CUBN: variants seen among roughly 807,000 people sequenced by gnomAD.
The protein encoded by CUBN is cubilin.
Under a neutral mutation model 405.3 loss-of-function variants are expected in CUBN, and 282 were observed. The ratio of observed to expected loss-of-function variants is 0.70; its 90% CI spans 0.63 to 0.77. CUBN has a LOEUF of 0.77. CUBN is among the 30% of genes least tolerant of loss of function. The probability of loss-of-function intolerance (pLI) is 0.00; values close to 1 mark genes in which losing one functional copy is unlikely to be tolerated. For synonymous variants in CUBN, 1,684 were observed against 1,617.0 expected, an observed-to-expected ratio of 1.04 and a Z score of -0.99; for missense variants, 4,514 against 4,475.2, an observed-to-expected ratio of 1.01 and a Z score of -0.25.
chr10:17,112,398 C>G (rs1015271985), intron 8 of CUBN, among the ~76,000 whole-genome samples: 1 of 151,576 alleles, frequency 6.6e-6, no homozygotes, highest in Non-Finnish European at 1.5e-5. Flanking sequence ...GCATATATTG[C>G]TTTGCTGCTT....
At chr10:16,868,785 T>C (rs1840261725) in intron 59 of CUBN, among the ~76,000 whole-genome samples, 1 of 152,112 alleles carries the variant, frequency 6.6e-6, no homozygotes, top group Non-Finnish European at 1.5e-5. Context: ...TACATCACCC[T>C]CTCCAGTCCA....
intron 59 of CUBN, among the ~76,000 whole-genome samples, chr10:16,853,651 A>G (rs1839784463): frequency 6.6e-6 from 1 of 152,244 alleles, no homozygotes; most frequent in Non-Finnish European, 1.5e-5. Flanking sequence ...AGTCCCTGAT[A>G]TATTCACAGA....
chr10:17,068,664 A>G lies in CUBN; in HGVS notation c.2732T>C (p.Val911Ala), dbSNP rs763217534. 3 of 1,613,262 alleles carry G rather than the reference A, an allele frequency of 1.9e-6. No individual in the cohort carries two copies. The Admixed American group carries it at 5.0e-5, about 27-fold the overall frequency. Residue 911 changes from valine to alanine, a missense_variant, in exon 20 of 67, where the codon GTG (valine) becomes GCG (alanine). This residue lies in a region of CUBN where 1,448 missense variants were observed against 1,388.0 expected (regional missense o/e 1.04). Transcript: ENST00000377833. ...ATGGTTTTCAGTAGAAGAACTTTTC[A>G]CGAATGTGACATAAAGAAAATTGTA... is the stretch of plus-strand genomic sequence containing the variant. ...SVYNFLYVTF[V>A]KSSSTENHGF...
chr10:17,026,803 A>C (rs1462552049), intron 27 of CUBN, among the ~76,000 whole-genome samples: 1 of 152,220 alleles, frequency 6.6e-6, no homozygotes, highest in Non-Finnish European at 1.5e-5. Flanking sequence ...GCCGACTCCA[A>C]GATGGCCCTT....
At chr10:17,045,734 A>G (rs1364278391) in intron 24 of CUBN, among the ~76,000 whole-genome samples, 200 bp downstream of exon 24, 1 of 152,146 alleles carries the variant, frequency 6.6e-6, no homozygotes, top group East Asian at 1.9e-4. Flanking sequence ...ATTCTTATTT[A>G]TTGATAAAAA....
chr10:17,086,075 C>T (rs1277761051), intron 15 of CUBN, among the ~76,000 whole-genome samples: 4 of 151,716 alleles, frequency 2.6e-5, no homozygotes, highest in African/African-American at 9.7e-5. Flanking sequence ...AAGCAATTCT[C>T]CTGCCTCAGC....
At chr10:16,927,594 G>T (rs1370692715) in intron 41 of CUBN, among the ~76,000 whole-genome samples, 4 of 152,154 alleles carry the variant, frequency 2.6e-5, no homozygotes, top group Admixed American at 2.0e-4. Flanking sequence ...TCACCTTTCA[G>T]TTAGTTTGGA....
At chr10:16,937,560 C>T in intron 39 of CUBN, 32 bp downstream of exon 39, 1 of 1,597,322 alleles carries the variant, frequency 6.3e-7, no homozygotes, top group Non-Finnish European at 8.6e-7. Context: ...CATATCAGTC[C>T]TAAAAAGAAC....
chr10:17,115,443 A>G, intron 7 of CUBN, 28 bp downstream of exon 7: 1 of 1,613,104 alleles, frequency 6.2e-7, no homozygotes, highest in Non-Finnish European at 8.5e-7. Flanking sequence ...GCTCTCTGCA[A>G]GGAGGCACAT....
At chr10:16,957,442 A>T (rs531022520) in intron 31 of CUBN, among the ~76,000 whole-genome samples, 1 of 152,348 alleles carries the variant, frequency 6.6e-6, no homozygotes, top group South Asian at 2.1e-4. Flanking sequence ...TCATCCATTG[A>T]TAAGTCTTTT....
At chr10:16,875,371 G>T (rs1840467949) in intron 57 of CUBN, among the ~76,000 whole-genome samples, 1 of 152,160 alleles carries the variant, frequency 6.6e-6, no homozygotes, top group South Asian at 2.1e-4. Flanking sequence ...GTATATTTAT[G>T]ATTCTAAAAT....
In CUBN at chr10:16,918,697, C is replaced by T; in HGVS notation, c.6925G>A (p.Gly2309Arg). The T allele has an allele frequency of 1.2e-6, 2 of 1,613,960 alleles. No individual in the cohort carries two copies. Among genetic ancestry groups the T allele is most frequent in the Non-Finnish European group, 1.7e-6 (2 of 1,179,894 alleles). The change falls in exon 45 of 67, where the codon GGA (glycine) becomes AGA (arginine). Residue 2309 changes from glycine (G) to arginine (R), a missense_variant. Gly to Arg is a moderately radical substitution (Grantham distance 125). This residue lies in a region of CUBN where 1,613 missense variants were observed against 1,542.8 expected (regional missense o/e 1.05). Coordinates refer to ENST00000377833, the MANE Select transcript of CUBN (RefSeq NM_001081.4). Reference protein sequence around the residue: ...TSLPSSQWSSGEVMYLRFRSD... With the variant: ...TSLPSSQWSSREVMYLRFRSD... ...CGAAATCTCAAATACATAACCTCTC[C>T]TGAGGACCACTGACTGCTGGGCAAA...
chr10:16,901,586 G>A (rs1386378000), intron 51 of CUBN, 127 bp from the exon 52 acceptor site: 3 of 1,251,150 alleles, frequency 2.4e-6, no homozygotes, highest in East Asian at 2.6e-5. Flanking sequence ...AGGCATGGTG[G>A]CTCACGCCAG....
In CUBN at chr10:17,046,868, T is replaced by G. The variant is rs183866898; in HGVS notation, c.3329+546A>C. On this transcript the variant is annotated intron_variant, in intron 23 of 66. Coordinates refer to ENST00000377833, the MANE Select transcript of CUBN (RefSeq NM_001081.4). The stretch of plus-strand genomic sequence containing the variant: ...AGTGGCATGGAGAGATAGTAACATA[T>G]AAGCTAACTTACTTTTACTGCAAAT... Among the ~76,000 whole-genome samples the G allele has an allele frequency of 3.0e-4, 46 of 152,274 alleles. No homozygotes were observed. The East Asian group carries it at 8.9e-3, about 29-fold the overall frequency.
At chr10:17,046,867 A>G (rs1835147239) in intron 23 of CUBN, among the ~76,000 whole-genome samples, 1 of 152,218 alleles carries the variant, frequency 6.6e-6, no homozygotes, top group East Asian at 1.9e-4. Flanking sequence ...ATAGTAACAT[A>G]TAAGCTAACT....
intron 48 of CUBN, 34 bp downstream of exon 48, chr10:16,913,777 G>A: frequency 6.2e-7 from 1 of 1,610,778 alleles, no homozygotes. Flanking sequence ...TTAAATGATG[G>A]AATATAACAT....
At chr10:16,941,126 A>G (rs1842640559) in intron 36 of CUBN, among the ~76,000 whole-genome samples, 1 of 152,126 alleles carries the variant, frequency 6.6e-6, no homozygotes, top group South Asian at 2.1e-4. Flanking sequence ...AACATGAGCT[A>G]CTCAAGATAA....
At chr10:17,068,887 AATTTTAGCAC>A (rs1702650176) in intron 19 of CUBN, 117 bp from the exon 20 acceptor site, 6 of 877,850 alleles carry the variant, frequency 6.8e-6, no homozygotes, top group Non-Finnish European at 1.1e-5. Context: ...GAATACAATC[AATTTTAGCAC>A]ATTTTAGTCA....
rs747497568 is a variant in CUBN at position 17,127,935 on chromosome 10, A to C, written c.253-11T>G. Reference sequence around the variant, plus strand: ...TTTGTTTTTCTGGATCTAATTTTAGAAAAAGAAGAAGAAATGAAGAGCACT... The same window carrying C: ...TTTGTTTTTCTGGATCTAATTTTAGCAAAAGAAGAAGAAATGAAGAGCACT... On this transcript the variant is annotated splice_polypyrimidine_tract_variant and intron_variant, in intron 2 of 66. Transcript: ENST00000377833. 1 of 1,552,456 alleles carries C rather than the reference A, an allele frequency of 6.4e-7. No individual in the cohort carries two copies. The highest frequency in any genetic ancestry group is 8.9e-7 in the Non-Finnish European group (1 of 1,126,316).
Sources: allele counts gnomAD v4.1 joint callset (sites outside exome capture counted in the v4.1 genomes callset), GRCh38; gene constraint gnomAD v4.1.1; regional missense constraint gnomAD v4.1.1; transcripts MANE v1.5; gene names NCBI Gene and HGNC (gene_info 2026-07-23, HGNC 2026-07-21).